Variants in TTN observed in about 807,000 individuals in gnomAD.
The protein encoded by TTN is connectin.
A neutral mutation model predicts 3,223.0 loss-of-function variants in TTN; 1,525 were observed. The observed-to-expected ratio is 0.47, with a 90% CI of 0.45 to 0.49. The LOEUF is 0.49. Among genes scored for constraint, TTN ranks in the 20% least tolerant of loss-of-function variants. TTN has a pLI of 0.00. For synonymous variants in TTN, 14,094 were observed against 15,161.0 expected (o/e 0.93, Z 5.17); for missense variants, 40,786 against 43,424.0 (o/e 0.94, Z 5.40).
At position 178,617,466 on chromosome 2, in the gene TTN, CTG is replaced by C; in HGVS notation, c.47617_47618del (p.Gln15873ValfsTer24). On this transcript the variant is annotated frameshift_variant, in exon 254 of 363. Transcript: ENST00000589042. LOFTEE classifies it high-confidence loss of function. ...GTTCCCATTTGAGCTGAACTGATGACTGAGTCTGATCTGAGGAAGTTAGGTTT... is the reference window on the plus strand; with the variant it reads ...GTTCCCATTTGAGCTGAACTGATGACAGTCTGATCTGAGGAAGTTAGGTTT... ...PVNLTSSDQT[Q>X]SSVQLKWEPP... The C allele has an allele frequency of 6.3e-7, 1 of 1,599,526 alleles. No homozygotes were observed.
chr2:178,769,058 G>T (rs1341335449), intron 37 of TTN, 125 bp from the exon 38 acceptor site: 1 of 1,113,358 alleles, frequency 9.0e-7, no homozygotes, highest in Non-Finnish European at 1.3e-6. Flanking sequence ...ACAGTTTAGA[G>T]ATATAAGCTT....
In TTN at chr2:178,764,229, A is replaced by G; in HGVS notation, c.10062T>C (p.Thr3354=). 1 of 1,614,142 alleles carries G rather than the reference A, an allele frequency of 6.2e-7. No individual in the cohort carries two copies. Among genetic ancestry groups the G allele is most frequent in the Non-Finnish European group, 8.5e-7 (1 of 1,179,988 alleles). Residue 3354 remains threonine, a synonymous_variant, in exon 43 of 363, where the codon ACT becomes ACC. Coordinates refer to ENST00000589042, the MANE Select transcript of TTN (RefSeq NM_001267550.2). ...GGGCTGGCTGCCCTTCAGAAGTGAC[A>G]GTGTCCTGAAGCGGGGTGATGATGG... ...PPAIITPLQD[T]VTSEGQPARF... is the part of the protein sequence containing the mutation.
Position 178,789,227 on chromosome 2 carries a change from T to C in TTN, c.2076+133A>G, listed in dbSNP as rs147863024. On this transcript the variant is annotated intron_variant, in intron 13 of 362. Coordinates refer to ENST00000589042, the MANE Select transcript of TTN (RefSeq NM_001267550.2). ...ATTATTTAATTGTCTAAAAAATAAA[T>C]TTGGTTAATAGTGACTCATACATAA... 9 of 1,166,212 alleles carry C rather than the reference T, an allele frequency of 7.7e-6. No individual in the cohort carries two copies. The East Asian group carries it at 2.2e-4, about 29-fold the overall frequency. The allele number at this position is 1,166,212 out of a possible 1,614,324, so 72.2% of individuals were successfully genotyped here. A position where few individuals can be genotyped will look rare whatever the true frequency, so the allele number is the denominator to read the frequency against.
intron 99 of TTN, among the ~76,000 whole-genome samples, chr2:178,708,155 G>C (rs192871118): frequency 6.6e-6 from 1 of 152,062 alleles, no homozygotes; most frequent in South Asian, 2.1e-4. Flanking sequence ...TGTGTACAGC[G>C]GTGTTTTTGC....
intron 43 of TTN, among the ~76,000 whole-genome samples, chr2:178,761,721 G>C (rs545244310): frequency 6.6e-6 from 1 of 152,212 alleles, no homozygotes; most frequent in Non-Finnish European, 1.5e-5. Context: ...TTAAAGGCAA[G>C]AGCAAGATCT....
chr2:178,785,700 C>T lies in TTN; in HGVS notation c.2413G>A (p.Val805Met). The part of the protein sequence containing the change: ...TDLTTERLVH[V>M]DKRPRTASPH... ...CTAGCTGTGCGGGGGCGTTTATCCA[C>T]ATGGACTAATCTTTCCGTTGTTAGA... Residue 805 changes from valine to methionine, a missense_variant, in exon 15 of 363, where the codon GTG becomes ATG. Physicochemically the swap from Val to Met is conservative, Grantham distance 21. Coordinates refer to ENST00000589042, the MANE Select transcript of TTN (RefSeq NM_001267550.2). The T allele has an allele frequency of 6.2e-7, 1 of 1,614,148 alleles. No homozygotes were observed. The highest frequency in any genetic ancestry group is 1.1e-5 in the South Asian group (1 of 91,084).
At position 178,537,114 on chromosome 2, in the gene TTN, T is replaced by C. The variant is rs1407789736; in HGVS notation, c.99995A>G (p.Glu33332Gly). The part of the protein sequence containing the change: ...WITNYVVEKC[E>G]AKEGAEWQLV... Reference sequence around the variant, plus strand: ...TTGCCATTCAGCCCCCTCCTTGGCCTCACATTTTTCCACCACATAGTTGGT... The same window carrying C: ...TTGCCATTCAGCCCCCTCCTTGGCCCCACATTTTTCCACCACATAGTTGGT... Residue 33332 changes from glutamate (E) to glycine (G), a missense_variant, in exon 356 of 363, where the codon GAG becomes GGG. Transcript: ENST00000589042. The C allele has an allele frequency of 4.3e-6, 7 of 1,613,164 alleles. No individual in the cohort carries two copies. The highest frequency in any genetic ancestry group is 5.9e-6 in the Non-Finnish European group (7 of 1,179,598).
At position 178,565,648 on chromosome 2, in the gene TTN, G is replaced by C. The variant is rs886055243; in HGVS notation, c.80484C>G (p.Ser26828Arg). The change falls in exon 326 of 363, where the codon AGC (serine) becomes AGG (arginine). Residue 26828 changes from serine to arginine, a missense_variant. Transcript: ENST00000589042. ...TACAGACTTTGGATTCAGCCACAAT[G>C]CTCCATTTTTCAGTTCCTTTGGGCT... ...EMQPKGTEKW[S>R]IVAESKVCNA... is the part of the protein sequence containing the mutation. The C allele has an allele frequency of 1.9e-6, 3 of 1,613,554 alleles. No individual in the cohort carries two copies. The highest frequency in any genetic ancestry group is 2.5e-6 in the Non-Finnish European group (3 of 1,179,624).
Position 178,561,183 on chromosome 2 carries a change from G to T in TTN, c.84949C>A (p.Leu28317Ile), listed in dbSNP as rs1167807939. The change falls in exon 326 of 363, where the codon CTT becomes ATT. Residue 28317 changes from leucine (L) to isoleucine (I), a missense_variant. Physicochemically the swap from Leu to Ile is conservative, Grantham distance 5 (BLOSUM62 2). Transcript: ENST00000589042. The stretch of plus-strand genomic sequence containing the variant: ...AATTCATAACGCTGATCTTCAGTAA[G>T]TTCAGTTACTTCAAAGTATGTTTCT... ...IQETYFEVTE[L>I]TEDQRYEFRV... 1 of 1,613,446 alleles carries T rather than the reference G, an allele frequency of 6.2e-7. No homozygotes were observed. The highest frequency in any genetic ancestry group is 1.3e-5 in the African/African-American group (1 of 74,898).
rs2154138445 is a variant in TTN at position 178,537,784 on chromosome 2, G to A, written c.99423C>T (p.Leu33141=). 1 of 1,613,720 alleles carries A rather than the reference G, an allele frequency of 6.2e-7. No individual in the cohort carries two copies. Among genetic ancestry groups the A allele is most frequent in the Non-Finnish European group, 8.5e-7 (1 of 1,179,754 alleles). ...ACATTTTGTATTTCCGGCTTTGTAT[G>A]AGCTCTTTACCAAATCTGTACCATT... ...DIKWYRFGKE[L]IQSRKYKMSS... The change falls in exon 355 of 363, where the codon CTC becomes CTT. Residue 33141 remains leucine, a synonymous_variant. Coordinates refer to ENST00000589042, the MANE Select transcript of TTN (RefSeq NM_001267550.2).
At chr2:178,646,998 C>G (rs2062100710) in intron 215 of TTN, 66 bp downstream of exon 215, 5 of 571,060 alleles carry the variant, frequency 8.8e-6, no homozygotes, top group Non-Finnish European at 1.3e-5. Flanking sequence ...CCTGTAAATG[C>G]TTTTGTAATT....
Position 178,799,251 on chromosome 2 carries a change from A to G in TTN, c.914+236T>C, listed in dbSNP as rs184551056. On this transcript the variant is annotated intron_variant, in intron 6 of 362. Coordinates refer to ENST00000589042, the MANE Select transcript of TTN (RefSeq NM_001267550.2). ...CCTGCCACGCCCACACCCTATGCCT[A>G]TAAAAACCCCTGAGACCCTAGTAGG... is the stretch of plus-strand genomic sequence containing the variant. 32 of 569,858 alleles carry G rather than the reference A, an allele frequency of 5.6e-5. No homozygotes were observed. In the East Asian group the frequency reaches 1.0e-3, roughly 18 times the overall value. 35.3% of individuals were successfully genotyped at this position (569,858 alleles called of 1,614,324 possible). A position where few individuals can be genotyped will look rare whatever the true frequency, so the allele number is the denominator to read the frequency against.
chr2:178,761,653 C>T (rs2089232734), intron 43 of TTN, among the ~76,000 whole-genome samples: 1 of 152,180 alleles, frequency 6.6e-6, no homozygotes, highest in Non-Finnish European at 1.5e-5. Context: ...GTTAATAGCA[C>T]TTACAACCTT....
Position 178,592,660 on chromosome 2 carries a change from T to A in TTN, c.59345A>T (p.Glu19782Val). Residue 19782 changes from glutamate (E) to valine (V), a missense_variant and splice_region_variant, in exon 301 of 363, where the codon GAA (glutamate) becomes GTA (valine). By Grantham distance (121) the Glu-to-Val change is moderately radical. Coordinates refer to ENST00000589042, the MANE Select transcript of TTN (RefSeq NM_001267550.2). ...GGCATCAAGAATCAACTCAGGGGGTTCTAGAATAAAGAGAACAGAACACTC... is the reference window on the plus strand; with the variant it reads ...GGCATCAAGAATCAACTCAGGGGGTACTAGAATAAAGAGAACAGAACACTC... Reference protein sequence around the residue: ...PEPVLVKDRLEPPELILDANM... With the variant: ...PEPVLVKDRLVPPELILDANM... 6.2e-7 allele frequency: 1 copy of A among 1,612,664 alleles called. No homozygotes were observed. Among genetic ancestry groups the A allele is most frequent in the Non-Finnish European group, 8.5e-7 (1 of 1,179,338 alleles).
chr2:178,549,737 G>C lies in TTN; in HGVS notation c.91985C>G (p.Thr30662Ser). 6.2e-7 allele frequency: 1 copy of C among 1,613,698 alleles called. No individual in the cohort carries two copies. The change falls in exon 338 of 363, where the codon ACC becomes AGC. Residue 30662 changes from threonine to serine, a missense_variant. Coordinates refer to ENST00000589042, the MANE Select transcript of TTN (RefSeq NM_001267550.2). ...AATTAGTGCCCAGGCAAGTCTGCTG[G>C]TTTCCCGTTTTTCAATGATGTAGTG... is the stretch of plus-strand genomic sequence containing the variant. ...ITHYIIEKRE[T>S]SRLAWALIED...
rs1483728935 is a variant in TTN, at chr2:178,784,284, T to C, written c.2561A>G (p.Lys854Arg). The C allele has an allele frequency of 1.4e-5, 23 of 1,614,030 alleles. No individual in the cohort carries two copies. Among genetic ancestry groups the C allele is most frequent in the Non-Finnish European group, 1.9e-5 (22 of 1,180,016 alleles). The change falls in exon 16 of 363, where the codon AAG (lysine) becomes AGG (arginine). Residue 854 changes from lysine to arginine, a missense_variant. Lys to Arg is a conservative substitution (Grantham distance 26). Transcript: ENST00000589042. ...AGGAGCCTTCACCGATTTGGTGATC[T>C]TCTGAGCAGAAGATGTGGCTGACAA... ...KELSATSSAQ[K>R]ITKSVKAPTV...
At position 178,572,407 on chromosome 2, in the gene TTN, CTTG is replaced by C; in HGVS notation, c.73722_73724del (p.His24574_Lys24575delinsGln). ...GAAGCTGGTCTACCTTCCAGGAAGT[CTTG>C]TGGCAGTTTGTTGCAACAGTTGAAT... On this transcript the variant is annotated inframe_deletion, in exon 326 of 363. Transcript: ENST00000589042. The C allele has an allele frequency of 6.2e-7, 1 of 1,613,086 alleles. No individual in the cohort carries two copies. Among genetic ancestry groups the C allele is most frequent in the East Asian group, 2.2e-5 (1 of 44,738 alleles).
At position 178,723,499 on chromosome 2, in the gene TTN, T is replaced by C. The variant is rs755330865; in HGVS notation, c.21601A>G (p.Ile7201Val). The part of the protein sequence containing the change: ...VAELELFNID[I>V]SQSGEYTCVV... The stretch of plus-strand genomic sequence containing the variant: ...CAGGTGTATTCCCCACTCTGAGATA[T>C]GTCAATATTAAATAATTCCAGTTCT... The change falls in exon 74 of 363, where the codon ATA becomes GTA. Residue 7201 changes from isoleucine (I) to valine (V), a missense_variant. Ile to Val is a conservative substitution (Grantham distance 29, BLOSUM62 3). Transcript: ENST00000589042. The C allele has an allele frequency of 3.7e-6, 6 of 1,613,350 alleles. No individual in the cohort carries two copies. Among genetic ancestry groups the C allele is most frequent in the Non-Finnish European group, 4.2e-6 (5 of 1,179,608 alleles).
In TTN at chr2:178,617,984, C is replaced by G; in HGVS notation, c.47367G>C (p.Glu15789Asp). Residue 15789 changes from glutamate (E) to aspartate (D), a missense_variant, in exon 253 of 363, where the codon GAG becomes GAC. Coordinates refer to ENST00000589042, the MANE Select transcript of TTN (RefSeq NM_001267550.2). ...TTAATTCAATGACGTAGTTTGTGAT[C>G]TCAGCACCTCCATCATACTCTGGTG... ...WEPPEYDGGA[E>D]ITNYVIELRD... 1 of 1,612,650 alleles carries G rather than the reference C, an allele frequency of 6.2e-7. No individual in the cohort carries two copies.
Sources: gnomAD v4.1 joint callset for allele counts (sites outside exome capture counted in the v4.1 genomes callset) on GRCh38, gnomAD v4.1.1 for gene constraint, MANE v1.5 for transcripts, NCBI Gene and HGNC (gene_info 2026-07-23, HGNC 2026-07-21) for gene names.